DPP10: variants seen among roughly 807,000 people sequenced by gnomAD.
DPP10 encodes the protein dipeptidyl peptidase like 10.
DPP10 carries 33 observed loss-of-function variants against 120.9 expected under a neutral mutation model. That is an observed-to-expected ratio of 0.27 (90% confidence interval 0.21 to 0.37). The LOEUF is 0.37. DPP10 is among the 10% of genes least tolerant of loss of function. DPP10 has a pLI of 1.00. For synonymous variants in DPP10, 337 were observed against 326.1 expected (o/e 1.03, Z -0.36); for missense variants, 816 against 942.8 (o/e 0.87, Z 1.76).
At chr2:115,813,030 G>A (rs1222675293) in intron 19 of DPP10, among the ~76,000 whole-genome samples, 1 of 126,352 alleles carries the variant, frequency 7.9e-6, no homozygotes, top group Non-Finnish European at 1.5e-5. Context: ...GCCGGACTGC[G>A]GACTGCAGTG....
At chr2:115,381,248 G>T (rs1040962102) in intron 3 of DPP10, among the ~76,000 whole-genome samples, 2 of 152,000 alleles carry the variant, frequency 1.3e-5, no homozygotes, top group African/African-American at 4.8e-5. Flanking sequence ...GGCTTTGCTC[G>T]TATCTTTTTA....
chr2:114,774,577 T>C (rs1306977287), intron 1 of DPP10, among the ~76,000 whole-genome samples: 1 of 149,906 alleles, frequency 6.7e-6, no homozygotes, highest in Non-Finnish European at 1.5e-5. Context: ...AAATATTTAA[T>C]ATAGTTTCAA....
Position 114,885,030 on chromosome 2 carries a change from A to G in DPP10, c.61-424209A>G, listed in dbSNP as rs75613856. Among the ~76,000 whole-genome samples, 385 of 152,310 alleles carry G rather than the reference A, an allele frequency of 2.5e-3. 1 individual carries two copies. The highest frequency in any genetic ancestry group is 8.6e-3 in the African/African-American group (356 of 41,566). ...GTTAAGGCCAGGATCAACAAAACGTATATTCCCCACAGGTGGCTGCCCCTT... is the reference window on the plus strand; with the variant it reads ...GTTAAGGCCAGGATCAACAAAACGTGTATTCCCCACAGGTGGCTGCCCCTT... On this transcript the variant is annotated intron_variant, in intron 1 of 25. Transcript: ENST00000410059.
In DPP10 at chr2:115,528,559, T is replaced by A. The variant is rs190954687; in HGVS notation, c.441+2587T>A. Reference sequence around the variant, plus strand: ...AAAAGTATTCACACAAAAACCTGTATGCAAATATTTGCAGCAGCCTTATTT... The same window carrying A: ...AAAAGTATTCACACAAAAACCTGTAAGCAAATATTTGCAGCAGCCTTATTT... On this transcript the variant is annotated intron_variant, in intron 5 of 25. Coordinates refer to ENST00000410059, the MANE Select transcript of DPP10 (RefSeq NM_020868.6). Among the ~76,000 whole-genome samples, 7 of 152,144 alleles carry A rather than the reference T, an allele frequency of 4.6e-5. No homozygotes were observed. In the East Asian group the frequency reaches 1.4e-3, roughly 29 times the overall value.
rs1683967834 is a variant in DPP10 at position 115,791,363 on chromosome 2, A to G, written c.1700+7A>G. ...ATGCTCTTCTGTTAATAATGTAAGT[A>G]TTTTATTTGTTTTTAAAATAAAGGA... On this transcript the variant is annotated splice_region_variant and intron_variant, in intron 19 of 25. Coordinates refer to ENST00000410059, the MANE Select transcript of DPP10 (RefSeq NM_020868.6). 1 of 1,584,854 alleles carries G rather than the reference A, an allele frequency of 6.3e-7. No homozygotes were observed. The highest frequency in any genetic ancestry group is 1.4e-5 in the African/African-American group (1 of 73,208).
At position 115,480,810 on chromosome 2, in the gene DPP10, A is replaced by G. The variant is rs1310661157; in HGVS notation, c.272-18700A>G. ...TTCTAAAAAATTGTATGCGAAAAAA[A>G]TGGTGAAATAAAATGCTTAAGGAGA... On this transcript the variant is annotated intron_variant, in intron 3 of 25. Transcript: ENST00000410059. Among the ~76,000 whole-genome samples the G allele has an allele frequency of 3.3e-5, 5 of 152,164 alleles. No individual in the cohort carries two copies. The East Asian group carries it at 7.7e-4, about 23-fold the overall frequency.
intron 5 of DPP10, among the ~76,000 whole-genome samples, chr2:115,605,402 T>C (rs2083639695): frequency 6.6e-6 from 1 of 152,150 alleles, no homozygotes; most frequent in South Asian, 2.1e-4. Context: ...CTTTTTAATT[T>C]ATTACCTGCT....
intron 7 of DPP10, among the ~76,000 whole-genome samples, chr2:115,704,595 T>C (rs906938601): frequency 6.6e-6 from 1 of 152,022 alleles, no homozygotes; most frequent in Non-Finnish European, 1.5e-5. Flanking sequence ...GACTTATTGT[T>C]ATTTCTGTGT....
intron 1 of DPP10, among the ~76,000 whole-genome samples, chr2:114,692,696 A>G (rs1230731222): frequency 2.0e-5 from 3 of 151,986 alleles, no homozygotes; most frequent in African/African-American, 7.2e-5. Context: ...GTCTTCCACT[A>G]TTATTGTGTG....
chr2:115,593,938 C>T (rs2082835515), intron 5 of DPP10, among the ~76,000 whole-genome samples: 1 of 152,166 alleles, frequency 6.6e-6, no homozygotes, highest in Non-Finnish European at 1.5e-5. Flanking sequence ...CAAGCCCAGC[C>T]AATAACTTAC....
At chr2:114,886,652 TA>T (rs749046197) in intron 1 of DPP10, among the ~76,000 whole-genome samples, 1 of 152,238 alleles carries the variant, frequency 6.6e-6, no homozygotes, top group Non-Finnish European at 1.5e-5. Flanking sequence ...CTTTCATTTT[TA>T]AAATATTTTA....
chr2:115,642,774 TTCTC>T (rs1306548074), intron 5 of DPP10, among the ~76,000 whole-genome samples: 3 of 152,224 alleles, frequency 2.0e-5, no homozygotes, highest in East Asian at 1.9e-4. Flanking sequence ...CTTGTCCTGT[TTCTC>T]TGGAGCATTC....
At chr2:115,837,380 G>A (rs1689644411) in intron 24 of DPP10, among the ~76,000 whole-genome samples, 1 of 152,052 alleles carries the variant, frequency 6.6e-6, no homozygotes, top group Non-Finnish European at 1.5e-5. Flanking sequence ...TATCCTCTGT[G>A]ATATTTTACA....
At chr2:114,702,556 G>A (rs1026987671) in intron 1 of DPP10, among the ~76,000 whole-genome samples, 1 of 152,058 alleles carries the variant, frequency 6.6e-6, no homozygotes, top group South Asian at 2.1e-4. Context: ...ATCACATGCT[G>A]CCCTGTTACC....
chr2:115,133,657 A>T (rs555414744), intron 1 of DPP10, among the ~76,000 whole-genome samples: 119 of 152,280 alleles, frequency 7.8e-4, no homozygotes, highest in African/African-American at 2.8e-3. Flanking sequence ...GCAGCTCTTA[A>T]CTGCTAAAGG....
chr2:115,345,223 G>A (rs1471770416), intron 3 of DPP10, among the ~76,000 whole-genome samples: 1 of 152,140 alleles, frequency 6.6e-6, no homozygotes, highest in Admixed American at 6.5e-5. Flanking sequence ...ACACAAGGTA[G>A]CGTTTTTCTT....
intron 1 of DPP10, among the ~76,000 whole-genome samples, chr2:114,582,694 T>C (rs182344199): frequency 1.3e-5 from 2 of 152,352 alleles, no homozygotes; most frequent in Admixed American, 1.3e-4. Flanking sequence ...TGACGTATGA[T>C]GTAGAGCCTG....
intron 1 of DPP10, among the ~76,000 whole-genome samples, chr2:115,284,688 G>A (rs1451308311): frequency 6.6e-6 from 1 of 151,902 alleles, no homozygotes; most frequent in Admixed American, 6.6e-5. Flanking sequence ...GCAGTGAGGG[G>A]AAAACATGGG....
chr2:114,968,997 G>A (rs1699221489), intron 1 of DPP10, among the ~76,000 whole-genome samples: 1 of 152,150 alleles, frequency 6.6e-6, no homozygotes, highest in Admixed American at 6.5e-5. Context: ...GTTCAGATTT[G>A]TTATGCATTT....
Sources: gnomAD v4.1 joint callset for allele counts (sites outside exome capture counted in the v4.1 genomes callset) on GRCh38, gnomAD v4.1.1 for gene constraint, MANE v1.5 for transcripts, NCBI Gene and HGNC (gene_info 2026-07-23, HGNC 2026-07-21) for gene names.